Variants in SCHIP1 observed in about 807,000 individuals in gnomAD.
SCHIP1 encodes the protein schwannomin-interacting protein 1.
A neutral mutation model predicts 29.7 loss-of-function variants in SCHIP1; 8 were observed. The observed-to-expected ratio is 0.27, with a 90% CI of 0.16 to 0.49. The LOEUF is 0.49. Ranked by LOEUF, SCHIP1 falls within the 20% of genes least tolerant of loss-of-function variation. SCHIP1 has a pLI of 0.99. For missense variants in SCHIP1, 193 were observed against 294.6 expected (o/e 0.66, Z 2.52); for synonymous variants, 76 against 94.9 (o/e 0.80, Z 1.16).
At chr3:159,335,420 C>T in the SCHIP1 span, among the ~76,000 whole-genome samples, 2 of 152,064 alleles carry the variant, frequency 1.3e-5, no homozygotes, top group Admixed American at 1.3e-4. Flanking sequence ...TATACATGTG[C>T]CATGTTGGTG....
chr3:159,472,736 G>T, the SCHIP1 span, among the ~76,000 whole-genome samples: 7 of 152,172 alleles, frequency 4.6e-5, no homozygotes, highest in Non-Finnish European at 1.0e-4. Context: ...TGGCCCATGT[G>T]CTGCCCAGAG....
intron 2 of SCHIP1, among the ~76,000 whole-genome samples, chr3:159,876,114 AG>A (rs1424845874): frequency 2.0e-5 from 3 of 152,272 alleles, no homozygotes; most frequent in Admixed American, 6.5e-5. Flanking sequence ...CACTATAAAA[AG>A]CTCAGATCCT....
chr3:159,567,018 T>C, the SCHIP1 span, among the ~76,000 whole-genome samples: 1 of 152,242 alleles, frequency 6.6e-6, no homozygotes, highest in Non-Finnish European at 1.5e-5. Context: ...TTTGGACATC[T>C]GATAGATATG....
At chr3:159,504,103 T>C in the SCHIP1 span, among the ~76,000 whole-genome samples, 1 of 152,186 alleles carries the variant, frequency 6.6e-6, no homozygotes, top group African/African-American at 2.4e-5. Context: ...TCTCAGGTTG[T>C]GGAGGACCAT....
chr3:159,688,766 AT>A, the SCHIP1 span, among the ~76,000 whole-genome samples: 1 of 152,078 alleles, frequency 6.6e-6, no homozygotes, highest in Admixed American at 6.6e-5. Context: ...TCTTGAGTTG[AT>A]TTTTGTATAA....
the SCHIP1 span, among the ~76,000 whole-genome samples, chr3:159,792,786 T>C: frequency 6.6e-6 from 1 of 152,186 alleles, no homozygotes; most frequent in South Asian, 2.1e-4. Context: ...TACTTACAAG[T>C]TGATAGTTTG....
chr3:159,617,713 C>A, the SCHIP1 span, among the ~76,000 whole-genome samples: 6 of 151,120 alleles, frequency 4.0e-5, no homozygotes, highest in African/African-American at 1.2e-4. Flanking sequence ...CCATTTACTA[C>A]CCCCCCTAGG....
the SCHIP1 span, among the ~76,000 whole-genome samples, chr3:159,647,948 C>T: frequency 2.6e-5 from 4 of 152,208 alleles, no homozygotes; most frequent in Non-Finnish European, 4.4e-5. Flanking sequence ...AGATCTTGGT[C>T]CAGAAGTAAG....
At chr3:159,785,590 T>C in the SCHIP1 span, among the ~76,000 whole-genome samples, 1 of 151,976 alleles carries the variant, frequency 6.6e-6, no homozygotes, top group South Asian at 2.1e-4. Flanking sequence ...TTTTTTTTTT[T>C]TTTTTCTGTT....
At chr3:159,574,411 C>A in the SCHIP1 span, among the ~76,000 whole-genome samples, 2 of 152,172 alleles carry the variant, frequency 1.3e-5, no homozygotes, top group African/African-American at 2.4e-5. Context: ...CCACTCCAGA[C>A]CTGTTTGCCT....
chr3:159,527,103 C>T, the SCHIP1 span, among the ~76,000 whole-genome samples: 234 of 152,294 alleles, frequency 1.5e-3, 2 homozygotes, highest in South Asian at 7.1e-3. Context: ...GGTTCAGATG[C>T]CCTCATCCTT....
At chr3:159,553,637 G>A in the SCHIP1 span, among the ~76,000 whole-genome samples, 7 of 152,134 alleles carry the variant, frequency 4.6e-5, no homozygotes, top group Non-Finnish European at 1.0e-4. Flanking sequence ...TAGAAACAGG[G>A]TCTTGCTCTG....
At chr3:159,662,299 C>G in the SCHIP1 span, among the ~76,000 whole-genome samples, 3 of 152,214 alleles carry the variant, frequency 2.0e-5, no homozygotes, top group South Asian at 2.1e-4. Context: ...CAGGTGGGCT[C>G]TTGCTATTGC....
chr3:159,586,627 C>T, the SCHIP1 span, among the ~76,000 whole-genome samples: 1 of 152,098 alleles, frequency 6.6e-6, no homozygotes, highest in Non-Finnish European at 1.5e-5. Context: ...GCTCAGCCTC[C>T]GTGTCACCCA....
chr3:159,294,033 C>T, the SCHIP1 span, among the ~76,000 whole-genome samples: 16 of 152,148 alleles, frequency 1.1e-4, no homozygotes, highest in East Asian at 3.1e-3. Context: ...GTCTTAGGTG[C>T]TATGTAACTA....
At chr3:159,540,205 A>C in the SCHIP1 span, among the ~76,000 whole-genome samples, 2 of 151,874 alleles carry the variant, frequency 1.3e-5, no homozygotes, top group African/African-American at 4.8e-5. Flanking sequence ...CACCTTTTGT[A>C]CAATATGTAG....
At chr3:159,682,327 G>T in the SCHIP1 span, among the ~76,000 whole-genome samples, 2 of 152,204 alleles carry the variant, frequency 1.3e-5, no homozygotes, top group South Asian at 2.1e-4. Flanking sequence ...AGTAATTACT[G>T]CCAGAAAAGC....
the SCHIP1 span, among the ~76,000 whole-genome samples, chr3:159,830,981 CCA>C: frequency 6.6e-6 from 1 of 152,202 alleles, no homozygotes; most frequent in Non-Finnish European, 1.5e-5. Flanking sequence ...TGGTTATGAA[CCA>C]CAGTTGAGGT....
At chr3:159,432,325 TGTGTGTGTGTGTGTGA>T in the SCHIP1 span, among the ~76,000 whole-genome samples, 18 of 102,214 alleles carry the variant, frequency 1.8e-4, no homozygotes, top group African/African-American at 3.4e-4. Context: ...TGTGTGTGTG[TGTGTGTGTGTGTGTGA>T]GAGAGAGAGA....
Sources: allele counts gnomAD v4.1 joint callset (sites outside exome capture counted in the v4.1 genomes callset), GRCh38; gene constraint gnomAD v4.1.1; transcripts MANE v1.5; gene names NCBI Gene and HGNC (gene_info 2026-07-23, HGNC 2026-07-21).